TLE4: variants seen among roughly 807,000 people sequenced by gnomAD.
TLE4 encodes the protein transducin-like enhancer protein 4.
Under a neutral mutation model 92.8 loss-of-function variants are expected in TLE4, and 8 were observed. That is an observed-to-expected ratio of 0.09 (90% CI 0.05 to 0.16). The LOEUF is 0.16. Among genes scored for constraint, TLE4 ranks in the 10% least tolerant of loss-of-function variants. The probability of loss-of-function intolerance (pLI) is 1.00; values close to 1 mark genes in which losing one functional copy is unlikely to be tolerated. For missense variants in TLE4, 675 were observed against 997.6 expected (o/e 0.68, Z 4.36); for synonymous variants, 371 against 374.1 (o/e 0.99, Z 0.10).
intron 8 of TLE4, among the ~76,000 whole-genome samples, chr9:79,667,083 C>T (rs1442770622): frequency 6.6e-6 from 1 of 152,228 alleles, no homozygotes; most frequent in Non-Finnish European, 1.5e-5. Flanking sequence ...TCATCGAACC[C>T]CTACAGCTGC....
At chr9:79,600,651 G>A (rs1259449834) in intron 4 of TLE4, among the ~76,000 whole-genome samples, 2 of 152,170 alleles carry the variant, frequency 1.3e-5, no homozygotes, top group African/African-American at 4.8e-5. Context: ...TGCTCAACAC[G>A]TGATGCTGCA....
In TLE4 at chr9:79,610,373, G is replaced by A. The variant is rs115623536; in HGVS notation, c.253-2283G>A. Among the ~76,000 whole-genome samples, 1,174 of 152,130 alleles carry A rather than the reference G, an allele frequency of 7.7e-3. 18 individuals carry two copies. The highest frequency in any genetic ancestry group is 0.027 in the African/African-American group (1,110 of 41,518). On this transcript the variant is annotated intron_variant, in intron 4 of 19. Transcript: ENST00000376552. ...GTGTCCACAGTGTTATTGGCTGATC[G>A]CTAAAGCCCAGTGGAAAGGCCTGTA...
chr9:79,652,208 A>T (rs1316337299), intron 6 of TLE4, among the ~76,000 whole-genome samples: 4 of 150,054 alleles, frequency 2.7e-5, no homozygotes, highest in African/African-American at 7.4e-5. Flanking sequence ...TTTTTTTGAG[A>T]TGGAGTCTTG....
intron 8 of TLE4, among the ~76,000 whole-genome samples, chr9:79,670,210 A>G (rs2062060096): frequency 6.6e-6 from 1 of 151,464 alleles, no homozygotes. Flanking sequence ...AAAAAGAAAG[A>G]AAAAAAAACT....
At chr9:79,605,141 A>G (rs925466420) in intron 4 of TLE4, among the ~76,000 whole-genome samples, 5 of 152,212 alleles carry the variant, frequency 3.3e-5, no homozygotes, top group Non-Finnish European at 5.9e-5. Flanking sequence ...ATGTCTTAGT[A>G]ATCAGAGTAA....
intron 5 of TLE4, among the ~76,000 whole-genome samples, chr9:79,615,482 G>A (rs2049332309): frequency 6.6e-6 from 1 of 152,140 alleles, no homozygotes; most frequent in East Asian, 1.9e-4. Context: ...TGGCTGGAGC[G>A]ATTGTGAGCA....
chr9:79,692,583 G>A (rs2067305815), intron 8 of TLE4, among the ~76,000 whole-genome samples: 2 of 152,172 alleles, frequency 1.3e-5, no homozygotes, highest in South Asian at 4.1e-4. Flanking sequence ...GGGGTGCTAT[G>A]ATAAACTACC....
intron 6 of TLE4, among the ~76,000 whole-genome samples, chr9:79,633,010 T>C (rs1465657202): frequency 5.3e-5 from 8 of 152,294 alleles, no homozygotes; most frequent in Admixed American, 5.2e-4. Flanking sequence ...CATTCTTTCT[T>C]CTTTATCTTC....
Position 79,722,586 on chromosome 9 carries a change from A to C in TLE4, c.2122A>C (p.Lys708Gln). 1 of 1,614,050 alleles carries C rather than the reference A, an allele frequency of 6.2e-7. No individual in the cohort carries two copies. The highest frequency in any genetic ancestry group is 8.5e-7 in the Non-Finnish European group (1 of 1,179,992). ...TCATGAGAGCTGTGTGCTGTCGCTC[A>C]AGTTTGCCCATTGTGGTAAGCAAGC... Reference protein sequence around the residue: ...HLHESCVLSLKFAHCGKWFVS... With the variant: ...HLHESCVLSLQFAHCGKWFVS... The change falls in exon 18 of 20, where the codon AAG becomes CAG. Residue 708 changes from lysine (K) to glutamine (Q), a missense_variant. Lys to Gln is a moderately conservative substitution (Grantham distance 53). Coordinates refer to ENST00000376552, the MANE Select transcript of TLE4 (RefSeq NM_007005.6).
At chr9:79,705,459 C>T (rs2071271846) in intron 9 of TLE4, among the ~76,000 whole-genome samples, 2 of 152,178 alleles carry the variant, frequency 1.3e-5, no homozygotes, top group Admixed American at 6.5e-5. Context: ...CTGCTGGTGT[C>T]CTACAGGGCC....
intron 4 of TLE4, among the ~76,000 whole-genome samples, chr9:79,592,149 T>TTTCTTC (rs542229037): frequency 1.8e-4 from 27 of 148,824 alleles, no homozygotes; most frequent in South Asian, 4.3e-4. Flanking sequence ...TTCTTTCTTC[T>TTTCTTC]TTCTTCTTCT....
chr9:79,717,968 G>A (rs536353546), intron 14 of TLE4: 14 of 456,556 alleles, frequency 3.1e-5, no homozygotes, highest in South Asian at 2.0e-4. Context: ...TCTGTTGGGG[G>A]AGACGCTCTT....
intron 4 of TLE4, chr9:79,580,470 T>C (rs1237679110): frequency 6.6e-6 from 1 of 152,222 alleles, no homozygotes; most frequent in Non-Finnish European, 1.5e-5. Flanking sequence ...TGGCATGACA[T>C]TCTAGCCTTG....
At chr9:79,608,235 C>G (rs576524637) in intron 4 of TLE4, among the ~76,000 whole-genome samples, 1 of 151,930 alleles carries the variant, frequency 6.6e-6, no homozygotes, top group East Asian at 1.9e-4. Flanking sequence ...AAAATTTTTC[C>G]TTATATTTAG....
intron 19 of TLE4, 68 bp from the exon 20 acceptor site, chr9:79,724,969 T>A: frequency 2.5e-6 from 3 of 1,205,282 alleles, no homozygotes; most frequent in Non-Finnish European, 3.6e-6. Context: ...GCATTTGCTC[T>A]AAGTCCTCCA....
chr9:79,706,255 G>A (rs576601993), intron 10 of TLE4, among the ~76,000 whole-genome samples: 7 of 151,992 alleles, frequency 4.6e-5, no homozygotes, highest in Non-Finnish European at 5.9e-5. Context: ...ATGTTACCTA[G>A]GCTGGGCTCA....
chr9:79,602,792 G>A (rs899740478), intron 4 of TLE4, among the ~76,000 whole-genome samples: 5 of 152,130 alleles, frequency 3.3e-5, no homozygotes, highest in Admixed American at 2.6e-4. Flanking sequence ...CATTTTGTAA[G>A]GCTGTAGCTG....
At chr9:79,680,938 T>C (rs1041059994) in intron 8 of TLE4, among the ~76,000 whole-genome samples, 2 of 152,198 alleles carry the variant, frequency 1.3e-5, no homozygotes, top group African/African-American at 2.4e-5. Context: ...TTTATTGATT[T>C]GCGTTTGTTG....
intron 4 of TLE4, among the ~76,000 whole-genome samples, chr9:79,601,126 A>G (rs1371158341): frequency 6.6e-6 from 1 of 152,194 alleles, no homozygotes; most frequent in African/African-American, 2.4e-5. Context: ...TTTAAAACAC[A>G]TATTTTGCCA....
Sources: allele counts gnomAD v4.1 joint callset (sites outside exome capture counted in the v4.1 genomes callset), GRCh38; gene constraint gnomAD v4.1.1; transcripts MANE v1.5; gene names NCBI Gene and HGNC (gene_info 2026-07-23, HGNC 2026-07-21).